The following SV2C variants were observed in gnomAD, a reference collection of about 807,000 sequenced individuals.
The protein encoded by SV2C is solute carrier family 22 member B3.
A neutral mutation model predicts 79.7 loss-of-function variants in SV2C; 49 were observed. That is an observed-to-expected ratio of 0.61 (90% CI 0.49 to 0.78). SV2C has a LOEUF of 0.78. Among genes scored for constraint, SV2C ranks in the 30% least tolerant of loss-of-function variants. The pLI, the probability that SV2C is intolerant of heterozygous loss-of-function variation, is 0.00. For missense variants in SV2C, 833 were observed against 912.9 expected, an observed-to-expected ratio of 0.91 and a Z score of 1.13; for synonymous variants, 334 against 333.2, an observed-to-expected ratio of 1.00 and a Z score of -0.03.
chr5:76,284,383 C>T lies in SV2C; in HGVS notation c.914-779C>T, dbSNP rs1387273792. ...GGATGAGGAGACATGCAGCAACCGCCAATTCCTAATAATTGTACTGGTCAG... is the reference window on the plus strand; with the variant it reads ...GGATGAGGAGACATGCAGCAACCGCTAATTCCTAATAATTGTACTGGTCAG... On this transcript the variant is annotated intron_variant, in intron 4 of 12. Transcript: ENST00000502798. Among the ~76,000 whole-genome samples, 4 of 152,132 alleles carry T rather than the reference C, an allele frequency of 2.6e-5. No homozygotes were observed. The East Asian group carries it at 5.8e-4, about 22-fold the overall frequency.
At chr5:76,281,610 G>A (rs961627725) in intron 4 of SV2C, among the ~76,000 whole-genome samples, 11 of 152,252 alleles carry the variant, frequency 7.2e-5, no homozygotes, top group South Asian at 2.1e-4. Flanking sequence ...AAGTTTAAAC[G>A]GATTCGCAGG....
chr5:76,133,354 A>C (rs1309370758), intron 2 of SV2C, among the ~76,000 whole-genome samples: 1 of 152,232 alleles, frequency 6.6e-6, no homozygotes, highest in Non-Finnish European at 1.5e-5. Flanking sequence ...AGCTTCAAAA[A>C]CAAAAGTATA....
chr5:76,046,339 A>G, the SV2C span, among the ~76,000 whole-genome samples: 6 of 152,194 alleles, frequency 3.9e-5, no homozygotes, highest in Non-Finnish European at 5.9e-5. Flanking sequence ...GGAAAGTTCA[A>G]TGGAAGCAAA....
At chr5:76,215,316 A>AGTGGGT (rs1744881972) in intron 4 of SV2C, among the ~76,000 whole-genome samples, 1 of 151,964 alleles carries the variant, frequency 6.6e-6, no homozygotes, top group African/African-American at 2.4e-5. Flanking sequence ...ATTGGGTGGG[A>AGTGGGT]GTGGGGGGAT....
the SV2C span, among the ~76,000 whole-genome samples, chr5:75,871,628 T>C: frequency 6.6e-6 from 1 of 151,742 alleles, no homozygotes; most frequent in Admixed American, 6.6e-5. Context: ...GCCAACATGG[T>C]GAAACGCCGT....
the SV2C span, among the ~76,000 whole-genome samples, chr5:75,950,675 A>G: frequency 6.6e-6 from 1 of 152,040 alleles, no homozygotes; most frequent in Non-Finnish European, 1.5e-5. Flanking sequence ...AATTGCCAGA[A>G]GTCTTTCAGA....
chr5:76,211,531 C>T (rs1226394364), intron 4 of SV2C, among the ~76,000 whole-genome samples: 1 of 151,838 alleles, frequency 6.6e-6, no homozygotes, highest in African/African-American at 2.4e-5. Flanking sequence ...TGTGCCCAAA[C>T]AGGCTAAAGT....
intron 12 of SV2C, among the ~76,000 whole-genome samples, chr5:76,317,462 C>T (rs1748666422): frequency 2.0e-5 from 3 of 151,898 alleles, no homozygotes; most frequent in Admixed American, 2.0e-4. Flanking sequence ...CACATACACA[C>T]ACACACTTTT....
the SV2C span, among the ~76,000 whole-genome samples, chr5:76,005,897 A>G: frequency 6.6e-6 from 1 of 152,138 alleles, no homozygotes; most frequent in African/African-American, 2.4e-5. Context: ...GCCTTCCAAG[A>G]TTAATCCCAT....
At chr5:75,851,507 C>A in the SV2C span, among the ~76,000 whole-genome samples, 1 of 152,178 alleles carries the variant, frequency 6.6e-6, no homozygotes, top group Non-Finnish European at 1.5e-5. Flanking sequence ...ACCCAGACAA[C>A]ATACAATTCA....
chr5:75,871,834 T>TATACACAC, the SV2C span, among the ~76,000 whole-genome samples: 964 of 118,786 alleles, frequency 8.1e-3, 15 homozygotes, highest in African/African-American at 0.03. Flanking sequence ...TATATATATA[T>TATACACAC]ACACACACAC....
At position 76,260,841 on chromosome 5, in the gene SV2C, T is replaced by C. The variant is rs141742684; in HGVS notation, c.914-24321T>C. On this transcript the variant is annotated intron_variant, in intron 4 of 12. Coordinates refer to ENST00000502798, the MANE Select transcript of SV2C (RefSeq NM_014979.4). ...ACCAGTACCATGCTATCTTGGTTAC[T>C]GTGGCCTTGTAGTATAGTTTGAAGT... 6.2e-3 allele frequency among the ~76,000 whole-genome samples: 951 copies of C among 152,372 alleles called. 8 individuals are homozygous for C. Among genetic ancestry groups the C allele is most frequent in the African/African-American group, 0.022 (906 of 41,588 alleles).
chr5:75,886,786 T>C, the SV2C span, among the ~76,000 whole-genome samples: 1 of 152,078 alleles, frequency 6.6e-6, no homozygotes, highest in African/African-American at 2.4e-5. Flanking sequence ...GACTTTGAAA[T>C]AGTGTAAGTC....
At chr5:76,181,613 G>A (rs1259213958) in intron 2 of SV2C, among the ~76,000 whole-genome samples, 1 of 152,008 alleles carries the variant, frequency 6.6e-6, no homozygotes, top group African/African-American at 2.4e-5. Context: ...GAGGGAAGGG[G>A]GGATGTGCTG....
chr5:76,121,085 T>C (rs1302668449), intron 1 of SV2C, among the ~76,000 whole-genome samples: 1 of 150,570 alleles, frequency 6.6e-6, no homozygotes, highest in Non-Finnish European at 1.5e-5. Flanking sequence ...TGGTATCTCA[T>C]TGTGGTTTTG....
the SV2C span, among the ~76,000 whole-genome samples, chr5:75,862,056 C>T: frequency 1.3e-5 from 2 of 151,874 alleles, no homozygotes; most frequent in Admixed American, 6.6e-5. Flanking sequence ...TACATTTTGC[C>T]TGTTACATCA....
the SV2C span, among the ~76,000 whole-genome samples, chr5:75,934,348 G>A: frequency 3.0e-5 from 4 of 132,286 alleles, no homozygotes; most frequent in Admixed American, 8.7e-5. Flanking sequence ...GTGCAATGGC[G>A]CGATCTCGGC....
intron 12 of SV2C, among the ~76,000 whole-genome samples, chr5:76,319,384 C>G (rs1748744075): frequency 1.3e-5 from 2 of 152,000 alleles, no homozygotes; most frequent in South Asian, 4.2e-4. Context: ...CGCCACTGCA[C>G]TCCAGCCTGG....
intron 2 of SV2C, among the ~76,000 whole-genome samples, chr5:76,183,726 A>G (rs1743823045): frequency 6.6e-6 from 1 of 152,042 alleles, no homozygotes; most frequent in Admixed American, 6.6e-5. Context: ...AACTACCTAG[A>G]GTCCTCTTGG....
Sources: gnomAD v4.1 joint callset for allele counts (sites outside exome capture counted in the v4.1 genomes callset) on GRCh38, gnomAD v4.1.1 for gene constraint, MANE v1.5 for transcripts, NCBI Gene and HGNC (gene_info 2026-07-23, HGNC 2026-07-21) for gene names.